ANKRD26: variants seen among roughly 807,000 people sequenced by gnomAD.
ANKRD26 encodes the protein ankyrin repeat domain-containing protein 26.
In ANKRD26, 141 loss-of-function variants were observed where a neutral mutation model predicts 208.7. That is an observed-to-expected ratio of 0.68 (90% CI 0.59 to 0.78). The LOEUF (loss-of-function observed/expected upper bound fraction) is 0.78, where lower values mean the gene tolerates loss of function less well. Among genes scored for constraint, ANKRD26 ranks in the 30% least tolerant of loss-of-function variants. ANKRD26 has a pLI of 0.00. For synonymous variants in ANKRD26, 636 were observed against 660.4 expected (o/e 0.96, Z 0.57); for missense variants, 1,889 against 1,938.7 (o/e 0.97, Z 0.48).
intron 21 of ANKRD26, among the ~76,000 whole-genome samples, chr10:27,039,370 C>T (rs1431682032): frequency 6.6e-6 from 1 of 151,464 alleles, no homozygotes; most frequent in East Asian, 1.9e-4. Flanking sequence ...GGGAGAATTG[C>T]TTAAACCTGG....
chr10:27,062,988 G>A (rs1163275065), intron 12 of ANKRD26, among the ~76,000 whole-genome samples: 3 of 151,990 alleles, frequency 2.0e-5, no homozygotes, highest in Non-Finnish European at 4.4e-5. Context: ...GGCTGATCTC[G>A]AACTCCTGAC....
chr10:26,983,051 A>G (rs956003177), intron 3 of ANKRD26, among the ~76,000 whole-genome samples: 1 of 152,130 alleles, frequency 6.6e-6, no homozygotes, highest in East Asian at 1.9e-4. Flanking sequence ...CAAAGGTTCC[A>G]CCTTGGGCTG....
At chr10:26,970,401 G>A (rs1053469664), downstream of ANKRD26, among the ~76,000 whole-genome samples, 4 of 152,148 alleles carry the variant, frequency 2.6e-5, no homozygotes, top group African/African-American at 9.7e-5. Flanking sequence ...CTTCTTGTGA[G>A]ATCTAGCTAG....
downstream of ANKRD26, among the ~76,000 whole-genome samples, chr10:26,969,791 T>G (rs1157937183): frequency 6.6e-6 from 1 of 152,050 alleles, no homozygotes; most frequent in Non-Finnish European, 1.5e-5. Flanking sequence ...ATCATTAGTT[T>G]CTGTTACCTT....
At chr10:27,089,091 C>T (rs886349217) in intron 4 of ANKRD26, among the ~76,000 whole-genome samples, 2 of 152,184 alleles carry the variant, frequency 1.3e-5, no homozygotes, top group Non-Finnish European at 2.9e-5. Flanking sequence ...ACCATGAAGG[C>T]TGAGGGATCT....
At chr10:27,077,791 C>T (rs2055754830) in intron 7 of ANKRD26, 98 bp from the exon 8 acceptor site, 3 of 1,091,412 alleles carry the variant, frequency 2.7e-6, no homozygotes, top group Non-Finnish European at 1.3e-6. Flanking sequence ...CATGATCTAA[C>T]ACAAAGAACA....
At position 27,034,901 on chromosome 10, in the gene ANKRD26, T is replaced by C; in HGVS notation, c.3549A>G (p.Glu1183=). 4 of 1,613,912 alleles carry C rather than the reference T, an allele frequency of 2.5e-6. No individual in the cohort carries two copies. In the South Asian group the frequency reaches 3.3e-5, roughly 13 times the overall value. ...AIVQKLQAES[E]KQSLLLEERN... ...TTTCTTCTAGCAGAAGACTTTGCTT[T>C]TCACTCTCAGCTTGAAGTTTTTGCA... Residue 1183 remains glutamate, a synonymous_variant, in exon 24 of 34, where the codon GAA becomes GAG. Coordinates refer to ENST00000376087, the MANE Select transcript of ANKRD26 (RefSeq NM_014915.3).
At chr10:27,085,123 T>G (rs1347267799) in intron 5 of ANKRD26, among the ~76,000 whole-genome samples, 2 of 151,580 alleles carry the variant, frequency 1.3e-5, no homozygotes, top group Non-Finnish European at 2.9e-5. Context: ...TTTTTTGAGA[T>G]GGAGTCTCGC....
intron 21 of ANKRD26, among the ~76,000 whole-genome samples, chr10:27,038,474 A>G (rs955003277): frequency 3.9e-5 from 6 of 152,046 alleles, no homozygotes; most frequent in African/African-American, 1.4e-4. Flanking sequence ...ACAGGGTGAA[A>G]CCACATCTCT....
intron 9 of ANKRD26, among the ~76,000 whole-genome samples, chr10:27,074,199 A>G (rs999210992): frequency 6.6e-6 from 1 of 152,228 alleles, no homozygotes; most frequent in African/African-American, 2.4e-5. Context: ...TTGAAATACC[A>G]GATAAAGAAT....
rs758684741 is a variant in ANKRD26 at position 27,093,817 on chromosome 10, C to T, written c.243-18G>A. On this transcript the variant is annotated intron_variant, in intron 1 of 33. Coordinates refer to ENST00000376087, the MANE Select transcript of ANKRD26 (RefSeq NM_014915.3). ...GAGCCGTCCTATGAGAGTGACAGGA[C>T]TTTTTATAAACTGTAGTGCACTGTC... 7 of 1,572,408 alleles carry T rather than the reference C, an allele frequency of 4.5e-6. 1 individual carries two copies. The highest frequency in any genetic ancestry group is 3.5e-6 in the Non-Finnish European group (4 of 1,142,204).
chr10:27,059,533 A>G (rs2135433992), intron 15 of ANKRD26, among the ~76,000 whole-genome samples: 1 of 152,328 alleles, frequency 6.6e-6, no homozygotes, highest in Non-Finnish European at 1.5e-5. Flanking sequence ...CTATGCAATA[A>G]TTTTTAATAG....
At chr10:27,097,392 C>G (rs977931141) in intron 1 of ANKRD26, among the ~76,000 whole-genome samples, 20 of 150,420 alleles carry the variant, frequency 1.3e-4, no homozygotes, top group Non-Finnish European at 3.0e-5. Flanking sequence ...ACCCAGGAAG[C>G]AGAGGTTGCA....
At chr10:27,012,860 G>C (rs1421766871) in intron 32 of ANKRD26, 22 bp downstream of exon 32, 1 of 1,598,536 alleles carries the variant, frequency 6.3e-7, no homozygotes. Context: ...AAACCCAAAG[G>C]AAAAAAGACA....
intron 20 of ANKRD26, among the ~76,000 whole-genome samples, chr10:27,041,785 G>A (rs2054249125): frequency 6.6e-6 from 1 of 151,708 alleles, no homozygotes; most frequent in South Asian, 2.1e-4. Flanking sequence ...AAGGAAGAGA[G>A]ACAGAAAAAA....
At chr10:27,100,000 G>A in intron 1 of ANKRD26, 85 bp downstream of exon 1, 1 of 1,598,502 alleles carries the variant, frequency 6.3e-7, no homozygotes. Flanking sequence ...GCTGATCCAG[G>A]CCCTGGGTGG....
At chr10:26,981,027 G>A (rs1473120366) in intron 4 of ANKRD26, among the ~76,000 whole-genome samples, 3 of 152,064 alleles carry the variant, frequency 2.0e-5, no homozygotes, top group Non-Finnish European at 1.5e-5. Context: ...TCCCATTCTG[G>A]CTGTTGAGTT....
rs1479604033 is a variant in ANKRD26 at position 27,034,984 on chromosome 10, T to C, written c.3466A>G (p.Lys1156Glu). 6.2e-7 allele frequency: 1 copy of C among 1,614,106 alleles called. No individual in the cohort carries two copies. Among genetic ancestry groups the C allele is most frequent in the South Asian group, 1.1e-5 (1 of 91,084 alleles). The change falls in exon 24 of 34, where the codon AAG becomes GAG. Residue 1156 changes from lysine to glutamate, a missense_variant. Around this residue, in one of 3 missense-constraint regions of ANKRD26, gnomAD observed 613 missense variants for 648.2 expected, o/e 0.95. Transcript: ENST00000376087. ...ACTGTCTTCTCTTTATTGTCAGCCTTGTTGTGGGCATCATCCAGTTGTTGT... is the reference window on the plus strand; with the variant it reads ...ACTGTCTTCTCTTTATTGTCAGCCTCGTTGTGGGCATCATCCAGTTGTTGT... Reference protein sequence around the residue: ...LRQQLDDAHNKADNKEKTVIN... With the variant: ...LRQQLDDAHNEADNKEKTVIN...
intron 15 of ANKRD26, among the ~76,000 whole-genome samples, chr10:27,057,563 T>G (rs535738425): frequency 2.8e-4 from 42 of 152,304 alleles, no homozygotes; most frequent in African/African-American, 9.9e-4. Context: ...CTTATTACAA[T>G]GAAATGCTCT....
Sources: gnomAD v4.1 joint callset for allele counts (sites outside exome capture counted in the v4.1 genomes callset) on GRCh38, gnomAD v4.1.1 for gene constraint, gnomAD v4.1.1 regional missense constraint, MANE v1.5 for transcripts, NCBI Gene and HGNC (gene_info 2026-07-23, HGNC 2026-07-21) for gene names.